ACD: variants seen among roughly 807,000 people sequenced by gnomAD.
The protein encoded by ACD is adrenocortical dysplasia protein homolog.
Under a neutral mutation model 53.9 loss-of-function variants are expected in ACD, and 39 were observed. The observed-to-expected ratio is 0.72, with a 90% confidence interval of 0.56 to 0.95. The LOEUF is 0.95. Ranked by LOEUF, ACD falls within the 40% of genes least tolerant of loss-of-function variation. The probability of loss-of-function intolerance (pLI) is 0.00; values close to 1 mark genes in which losing one functional copy is unlikely to be tolerated. For synonymous variants in ACD, 273 were observed against 249.2 expected (o/e 1.10, Z -0.90); for missense variants, 526 against 587.9 (o/e 0.89, Z 1.09).
Position 67,657,614 on chromosome 16 carries a change from G to C in ACD, c.1369C>G (p.Pro457Ala), listed in dbSNP as rs1313859184. 8.1e-6 allele frequency: 13 copies of C among 1,614,068 alleles called. No homozygotes were observed. Among genetic ancestry groups the C allele is most frequent in the South Asian group, 5.5e-5 (5 of 91,090 alleles). Residue 457 changes from proline (P) to alanine (A), a missense_variant, in exon 12 of 12, where the codon CCG (proline) becomes GCG (alanine). Coordinates refer to ENST00000620761, the MANE Select transcript of ACD (RefSeq NM_001082486.2). The surrounding 1 kb of genome is among the most constrained non-coding windows in gnomAD (Gnocchi z 4.5). ...CTGTCCTGCGTGACGTCTCACATCG[G>C]AGTTGGCTCAGACCCTGGCTGTGCA... ...MDAQPGSEPT[P>A]M
chr16:67,658,948 C>G lies in ACD; in HGVS notation c.625G>C (p.Ala209Pro). 6.2e-7 allele frequency: 1 copy of G among 1,613,858 alleles called. No individual in the cohort carries two copies. The highest frequency in any genetic ancestry group is 8.5e-7 in the Non-Finnish European group (1 of 1,179,940). Reference protein sequence around the residue: ...CTAPPVTHWAASRCKATGEAV... With the variant: ...CTAPPVTHWAPSRCKATGEAV... Reference sequence around the variant, plus strand: ...CTGACCGTGGCCTTGCATCGTGAGGCAGCCCAGTGGGTGACAGGGGGTGCT... The same window carrying G: ...CTGACCGTGGCCTTGCATCGTGAGGGAGCCCAGTGGGTGACAGGGGGTGCT... The change falls in exon 7 of 12, where the codon GCC (alanine) becomes CCC (proline). Residue 209 changes from alanine (A) to proline (P), a missense_variant. Transcript: ENST00000620761.
At chr16:67,658,692 TC>T in intron 8 of ACD, 27 bp downstream of exon 8, 3 of 1,595,920 alleles carry the variant, frequency 1.9e-6, no homozygotes, top group South Asian at 1.1e-5. Context: ...GCCCCAGGTA[TC>T]CCCCCAACCT....
At position 67,659,240 on chromosome 16, in the gene ACD, G is replaced by A. The variant is rs149051014; in HGVS notation, c.482C>T (p.Ser161Leu). 3.8e-4 allele frequency: 607 copies of A among 1,613,988 alleles called. No homozygotes were observed. Among genetic ancestry groups the A allele is most frequent in the Non-Finnish European group, 4.9e-4 (582 of 1,180,018 alleles). ...CLEEHLSEST[S>L]SNAGLSLSQL... ...AAGCTCTACAGTACCTGCATTGGAC[G>A]AGGTGGACTCTGAAAGGTGCTCCCT... is the stretch of plus-strand genomic sequence containing the variant. The change falls in exon 6 of 12, where the codon TCG (serine) becomes TTG (leucine). Residue 161 changes from serine to leucine, a missense_variant. Physicochemically the swap from Ser to Leu is moderately radical, Grantham distance 145. Coordinates refer to ENST00000620761, the MANE Select transcript of ACD (RefSeq NM_001082486.2).
At position 67,658,155 on chromosome 16, in the gene ACD, G is replaced by C; in HGVS notation, c.1037C>G (p.Pro346Arg). The change falls in exon 10 of 12, where the codon CCC becomes CGC. Residue 346 changes from proline (P) to arginine (R), a missense_variant. Coordinates refer to ENST00000620761, the MANE Select transcript of ACD (RefSeq NM_001082486.2). Reference sequence around the variant, plus strand: ...GACATGGCTACGGGGTGAGAGACTGGGAGTGCAGCTCTGGAGTGGGGAGCT... The same window carrying C: ...GACATGGCTACGGGGTGAGAGACTGCGAGTGCAGCTCTGGAGTGGGGAGCT... Reference protein sequence around the residue: ...TPSSPLQSCTPSLSPRSHVPS... With the variant: ...TPSSPLQSCTRSLSPRSHVPS... The C allele has an allele frequency of 2.5e-6, 4 of 1,606,394 alleles. No individual in the cohort carries two copies. Among genetic ancestry groups the C allele is most frequent in the Admixed American group, 1.7e-5 (1 of 59,436 alleles).
intron 6 of ACD, 63 bp downstream of exon 6, chr16:67,659,166 A>G (rs773751514): frequency 3.7e-6 from 6 of 1,610,474 alleles, no homozygotes; most frequent in Non-Finnish European, 5.1e-6. Flanking sequence ...GAGGAAGCAT[A>G]AGGTTAAGGC....
chr16:67,658,500 C>G, intron 9 of ACD, 55 bp downstream of exon 9: 1 of 1,572,560 alleles, frequency 6.4e-7, no homozygotes, highest in Non-Finnish European at 8.6e-7. Context: ...CTGCGCAGCC[C>G]GGGAACCTGA....
rs894899518 is a variant in ACD, at chr16:67,657,893, C to T, written c.1207-40G>A. On this transcript the variant is annotated intron_variant, in intron 10 of 11. Coordinates refer to ENST00000620761, the MANE Select transcript of ACD (RefSeq NM_001082486.2). This position sits in a 1 kb window ranked among gnomAD's most constrained non-coding sequence, Gnocchi z 4.5. ...GTGTCTGGGGAAGAGCTAACAAGGACCCCAACCCCATCCAAGGCTACCCAT... is the reference window on the plus strand; with the variant it reads ...GTGTCTGGGGAAGAGCTAACAAGGATCCCAACCCCATCCAAGGCTACCCAT... 6.2e-7 allele frequency: 1 copy of T among 1,613,332 alleles called. No individual in the cohort carries two copies. Among genetic ancestry groups the T allele is most frequent in the Non-Finnish European group, 8.5e-7 (1 of 1,179,680 alleles).
In ACD at chr16:67,659,405, T is replaced by C; in HGVS notation, c.428A>G (p.Asp143Gly). The change falls in exon 5 of 12, where the codon GAT becomes GGT. Residue 143 changes from aspartate to glycine, a missense_variant. Coordinates refer to ENST00000620761, the MANE Select transcript of ACD (RefSeq NM_001082486.2). ...GCAGTCATAGAGCTTTTTCTGAACA[T>C]CTAAGTCTTGGTTGCTAAGAAAAAG... ...LRVPGCNQDL[D>G]VQKKLYDCLE... 6.2e-7 allele frequency: 1 copy of C among 1,613,936 alleles called. No individual in the cohort carries two copies. Among genetic ancestry groups the C allele is most frequent in the Non-Finnish European group, 8.5e-7 (1 of 1,179,990 alleles).
rs765971010 is a variant in ACD at position 67,659,549 on chromosome 16, C to T, written c.401G>A (p.Arg134Gln). 2.5e-6 allele frequency: 4 copies of T among 1,613,094 alleles called. No homozygotes were observed. The highest frequency in any genetic ancestry group is 4.5e-5 in the East Asian group (2 of 44,846). ...SLLPTEQPRLRVPGCNQDLDV... is the reference protein window; with the variant it reads ...SLLPTEQPRLQVPGCNQDLDV... ...AGGCATCACTTACCAACCAGGCACC[C>T]GTAGCCGGGGCTGCTCCGTGGGCAG... is the stretch of plus-strand genomic sequence containing the variant. The change falls in exon 4 of 12, where the codon CGG becomes CAG. Residue 134 changes from arginine to glutamine, a missense_variant. Arg to Gln is a conservative substitution (Grantham distance 43). Transcript: ENST00000620761.
In ACD at chr16:67,660,074, C is replaced by T. The variant is rs376038080; in HGVS notation, c.100-29G>A. 3.9e-5 allele frequency: 63 copies of T among 1,610,168 alleles called. No individual in the cohort carries two copies. Among genetic ancestry groups the T allele is most frequent in the Non-Finnish European group, 5.1e-5 (60 of 1,178,704 alleles). On this transcript the variant is annotated intron_variant, in intron 1 of 11. Coordinates refer to ENST00000620761, the MANE Select transcript of ACD (RefSeq NM_001082486.2). ...ACGGCGGCGAGCGGCGTCAATCCCA[C>T]CACCCCGGGCCTCCGCCTCGGTCTC...
Position 67,657,963 on chromosome 16 carries a change from A to G in ACD, c.1206+23T>C, listed in dbSNP as rs567234846. ...TCAGGCCTTCCTTGTTCTACCCTCC[A>G]GCTGCAGAGGGGCTATGCTCACCCA... On this transcript the variant is annotated intron_variant, in intron 10 of 11. Transcript: ENST00000620761. This position sits in a 1 kb window ranked among gnomAD's most constrained non-coding sequence, Gnocchi z 4.5. 3.8e-6 allele frequency: 6 copies of G among 1,588,552 alleles called. No individual in the cohort carries two copies. The highest frequency in any genetic ancestry group is 3.4e-5 in the Admixed American group (2 of 58,802).
In ACD at chr16:67,659,808, G is replaced by A. The variant is rs750839783; in HGVS notation, c.243-13C>T. 6.3e-6 allele frequency: 10 copies of A among 1,599,884 alleles called. No homozygotes were observed. In the Admixed American group the frequency reaches 6.7e-5, roughly 11 times the overall value. On this transcript the variant is annotated splice_polypyrimidine_tract_variant and intron_variant, in intron 2 of 11. Coordinates refer to ENST00000620761, the MANE Select transcript of ACD (RefSeq NM_001082486.2). Reference sequence around the variant, plus strand: ...CTCCTTCTCCTCCCTGCAACAAGCAGGATCCTCACTGCCGGGCCCACCTGA... The same window carrying A: ...CTCCTTCTCCTCCCTGCAACAAGCAAGATCCTCACTGCCGGGCCCACCTGA...
In ACD at chr16:67,659,693, A is replaced by G; in HGVS notation, c.336+9T>C. On this transcript the variant is annotated intron_variant, in intron 3 of 11. Coordinates refer to ENST00000620761, the MANE Select transcript of ACD (RefSeq NM_001082486.2). ...CCGGTAACCCGCCCAAGGCAGTCTC[A>G]CCACTCACCGCGCCGCCCTCAGCGA... is the stretch of plus-strand genomic sequence containing the variant. 1 of 1,613,094 alleles carries G rather than the reference A, an allele frequency of 6.2e-7. No individual in the cohort carries two copies. Among genetic ancestry groups the G allele is most frequent in the South Asian group, 1.1e-5 (1 of 91,082 alleles).
Position 67,659,954 on chromosome 16 carries a change from G to A in ACD, c.191C>T (p.Thr64Ile), listed in dbSNP as rs550200963. 1.9e-6 allele frequency: 3 copies of A among 1,608,388 alleles called. No homozygotes were observed. The African/African-American group carries it at 4.0e-5, about 21-fold the overall frequency. Reference sequence around the variant, plus strand: ...CGTCACCAGGCATCGGACACTGTGGGTCCCGTCAGACACAAGCAGCGTGGC... The same window carrying A: ...CGTCACCAGGCATCGGACACTGTGGATCCCGTCAGACACAAGCAGCGTGGC... ...VGATLLVSDG[T>I]HSVRCLVTRE... is the part of the protein sequence containing the mutation. Residue 64 changes from threonine (T) to isoleucine (I), a missense_variant, in exon 2 of 12, where the codon ACC becomes ATC. Coordinates refer to ENST00000620761, the MANE Select transcript of ACD (RefSeq NM_001082486.2).
rs761554736 is a variant in ACD, at chr16:67,657,870, G to A, written c.1207-17C>T. ...TGGGGGTTCCTGAAAGGGGTATGGT[G>A]TCTGGGGAAGAGCTAACAAGGACCC... On this transcript the variant is annotated splice_polypyrimidine_tract_variant and intron_variant, in intron 10 of 11. Coordinates refer to ENST00000620761, the MANE Select transcript of ACD (RefSeq NM_001082486.2). The surrounding 1 kb of genome is among the most constrained non-coding windows in gnomAD (Gnocchi z 4.5). The A allele has an allele frequency of 2.5e-6, 4 of 1,613,934 alleles. No homozygotes were observed. The highest frequency in any genetic ancestry group is 3.4e-6 in the Non-Finnish European group (4 of 1,180,004).
At position 67,658,555 on chromosome 16, in the gene ACD, CTGAGGAACTGGG is replaced by C. The variant is rs777131279; in HGVS notation, c.817_828del (p.Pro273_Ser276del). The C allele has an allele frequency of 1.2e-4, 185 of 1,565,752 alleles. No homozygotes were observed. The highest frequency in any genetic ancestry group is 1.6e-4 in the Non-Finnish European group (180 of 1,154,260). On this transcript the variant is annotated inframe_deletion and splice_region_variant, in exon 9 of 12. Transcript: ENST00000620761. ...GCCTGTGACCTGTGCATCACCTCAC[CTGAGGAACTGGG>C]TGAGGAAGGAGGAGAGGCTATGAGG... is the stretch of plus-strand genomic sequence containing the variant.
rs1212432968 is a variant in ACD at position 67,657,578 on chromosome 16, T to G, written c.*28A>C. ...TAAAAAACTCAAAGGAAGCAGAGTGTGGAGCGGTATCTGTCCTGCGTGACG... is the reference window on the plus strand; with the variant it reads ...TAAAAAACTCAAAGGAAGCAGAGTGGGGAGCGGTATCTGTCCTGCGTGACG... On this transcript the variant is annotated 3_prime_UTR_variant, in exon 12 of 12. Coordinates refer to ENST00000620761, the MANE Select transcript of ACD (RefSeq NM_001082486.2). This position sits in a 1 kb window ranked among gnomAD's most constrained non-coding sequence, Gnocchi z 4.5. 6.2e-7 allele frequency: 1 copy of G among 1,614,134 alleles called. No individual in the cohort carries two copies. Among genetic ancestry groups the G allele is most frequent in the Non-Finnish European group, 8.5e-7 (1 of 1,179,996 alleles).
In ACD at chr16:67,658,085, G is replaced by A. The variant is rs138584103; in HGVS notation, c.1107C>T (p.Ser369=). The change falls in exon 10 of 12, where the codon AGC becomes AGT. Residue 369 remains serine (S), a synonymous_variant. Coordinates refer to ENST00000620761, the MANE Select transcript of ACD (RefSeq NM_001082486.2). The part of the protein sequence containing the change: ...QALVTRPQKP[S]LEFKEFVGLP... ...ACCCTACAAACTCCTTGAACTCCAG[G>A]CTAGGTTTCTGGGGCCTGGTCACAA... 3.2e-6 allele frequency: 5 copies of A among 1,569,668 alleles called. No homozygotes were observed. Among genetic ancestry groups the A allele is most frequent in the Non-Finnish European group, 3.5e-6 (4 of 1,159,066 alleles).
At position 67,658,791 on chromosome 16, in the gene ACD, C is replaced by G; in HGVS notation, c.671G>C (p.Ser224Thr). ...ATTCTCAGAGATGCACAGCATTGAG[C>G]TGGGGACAGTGTACACAGCTTCTCC... Reference protein sequence around the residue: ...ATGEAVYTVPSSMLCISENDQ... With the variant: ...ATGEAVYTVPTSMLCISENDQ... The change falls in exon 8 of 12, where the codon AGC becomes ACC. Residue 224 changes from serine to threonine, a missense_variant. Physicochemically the swap from Ser to Thr is moderately conservative, Grantham distance 58. Coordinates refer to ENST00000620761, the MANE Select transcript of ACD (RefSeq NM_001082486.2). 1.2e-6 allele frequency: 2 copies of G among 1,613,460 alleles called. No homozygotes were observed. Among genetic ancestry groups the G allele is most frequent in the Non-Finnish European group, 1.7e-6 (2 of 1,179,668 alleles).
Sources: gnomAD v4.1 joint callset for allele counts on GRCh38, gnomAD v4.1.1 for gene constraint, Gnocchi (gnomAD v3.1) non-coding constraint, MANE v1.5 for transcripts, NCBI Gene and HGNC (gene_info 2026-07-23, HGNC 2026-07-21) for gene names.